BTD: variants seen among roughly 807,000 people sequenced by gnomAD.
BTD encodes biotinidase.
BTD carries 13 observed loss-of-function variants against 17.7 expected under a neutral mutation model. That is an observed-to-expected ratio of 0.74 (90% CI 0.48 to 1.17). The LOEUF is 1.17. BTD is among the 50% of genes most tolerant of loss of function. The probability of loss-of-function intolerance (pLI) is 0.00; values close to 1 mark genes in which losing one functional copy is unlikely to be tolerated. For missense variants in BTD, 674 were observed against 650.4 expected (o/e 1.04, Z -0.39); for synonymous variants, 240 against 245.2 (o/e 0.98, Z 0.20).
chr3:15,629,016 C>T (rs1448514759), intron 1 of BTD, among the ~76,000 whole-genome samples: 1 of 152,092 alleles, frequency 6.6e-6, no homozygotes, highest in Non-Finnish European at 1.5e-5. Flanking sequence ...AACTGACCTG[C>T]ATCAAATTGT....
At position 15,652,004 on chromosome 3, in the gene BTD, G is replaced by A. The variant is rs1037039854; in HGVS notation, c.*6516G>A. ...GTAACCAATAAAATATGGCAGATGC[G>A]ATGGCATGTTACTTCTGAAATTGGG... On this transcript the variant is annotated 3_prime_UTR_variant, in exon 4 of 4. Transcript: ENST00000643237. 1.8e-4 allele frequency among the ~76,000 whole-genome samples: 28 copies of A among 152,162 alleles called. No individual in the cohort carries two copies. Among genetic ancestry groups the A allele is most frequent in the African/African-American group, 6.8e-4 (28 of 41,438 alleles).
chr3:15,679,636 G>A, intron 3 of BTD: 2 of 1,174,964 alleles, frequency 1.7e-6, no homozygotes, highest in Non-Finnish European at 2.5e-6. Context: ...ACATGTAAGT[G>A]TTTAAAGGAA....
chr3:15,644,325 C>T lies in BTD; in HGVS notation c.409C>T (p.Arg137Cys), dbSNP rs397514363. 1.1e-5 allele frequency: 17 copies of T among 1,613,710 alleles called. No individual in the cohort carries two copies. The highest frequency in any genetic ancestry group is 1.7e-4 in the Middle Eastern group (1 of 6,056). Residue 137 changes from arginine to cysteine, a missense_variant, in exon 4 of 4, where the codon CGC (arginine) becomes TGC (cysteine). Physicochemically the swap from Arg to Cys is radical, Grantham distance 180. Transcript: ENST00000643237. ...CCTTTTTTTCCTCTAGGTGCTCCAG[C>T]GCCTGAGTTGTATGGCCATCAGGGG... ...HRFNDTEVLQ[R>C]LSCMAIRGDM...
At chr3:15,667,855 A>T (rs1250698896) in intron 3 of BTD, 6 of 152,224 alleles carry the variant, frequency 3.9e-5, no homozygotes, top group African/African-American at 1.2e-4. Context: ...TGTATGTGAT[A>T]AATTAAAAAC....
chr3:15,677,388 G>T, intron 3 of BTD: 1 of 887,522 alleles, frequency 1.1e-6, no homozygotes. Flanking sequence ...GAGAGGTTTG[G>T]TCCTGAGTTG....
At chr3:15,700,177 C>A (rs1322263502) in intron 3 of BTD, among the ~76,000 whole-genome samples, 2 of 152,080 alleles carry the variant, frequency 1.3e-5, no homozygotes, top group Non-Finnish European at 2.9e-5. Flanking sequence ...TACGTGGGAG[C>A]TGAACAAGGA....
chr3:15,624,240 C>T (rs1338860132), intron 1 of BTD, among the ~76,000 whole-genome samples: 1 of 151,942 alleles, frequency 6.6e-6, no homozygotes, highest in Non-Finnish European at 1.5e-5. Flanking sequence ...GATTGGTGTT[C>T]TCTGAGCTTC....
At chr3:15,622,342 A>G (rs1183330842) in intron 1 of BTD, among the ~76,000 whole-genome samples, 2 of 152,016 alleles carry the variant, frequency 1.3e-5, no homozygotes, top group Non-Finnish European at 2.9e-5. Flanking sequence ...TTTATTTCCA[A>G]GTATTTTGGG....
intron 1 of BTD, among the ~76,000 whole-genome samples, chr3:15,608,663 G>A (rs558195971): frequency 3.3e-5 from 5 of 152,058 alleles, no homozygotes; most frequent in Admixed American, 1.3e-4. Context: ...CTACCGGGGA[G>A]GCTGAGGCAG....
intron 1 of BTD, among the ~76,000 whole-genome samples, chr3:15,607,582 C>A (rs1274636488): frequency 6.6e-6 from 1 of 152,194 alleles, no homozygotes; most frequent in African/African-American, 2.4e-5. Context: ...CACTAAAAAT[C>A]CTTGTGATTA....
At chr3:15,666,529 T>C (rs1267638948) in intron 3 of BTD, among the ~76,000 whole-genome samples, 1 of 152,260 alleles carries the variant, frequency 6.6e-6, no homozygotes, top group Non-Finnish European at 1.5e-5. Context: ...AAATGCTGCA[T>C]AGGCATTTTC....
intron 3 of BTD, among the ~76,000 whole-genome samples, chr3:15,674,196 A>AAAAAAAAAAAAGAAG (rs1470515364): frequency 7.7e-6 from 1 of 130,082 alleles, no homozygotes; most frequent in African/African-American, 3.3e-5. Flanking sequence ...AAAAAAAAAA[A>AAAAAAAAAAAAGAAG]AAGAAGAAGA....
At chr3:15,718,604 AT>A (rs2073346251) in intron 4 of BTD, among the ~76,000 whole-genome samples, 2 of 152,364 alleles carry the variant, frequency 1.3e-5, no homozygotes, top group African/African-American at 4.8e-5. Context: ...ATCAAATTAT[AT>A]TAAATATTCA....
Position 15,647,610 on chromosome 3 carries a change from G to A in BTD, c.*2122G>A, listed in dbSNP as rs575684256. ...CAGATGACAGAACAAAGTAGAGGAC[G>A]GGAAAATAAATCATTTTCAGGGAAA... is the stretch of plus-strand genomic sequence containing the variant. On this transcript the variant is annotated 3_prime_UTR_variant, in exon 4 of 4. Coordinates refer to ENST00000643237, the MANE Select transcript of BTD (RefSeq NM_001370658.1). 6 of 152,252 alleles carry A rather than the reference G, an allele frequency of 3.9e-5. No homozygotes were observed. Among genetic ancestry groups the A allele is most frequent in the East Asian group, 1.9e-4 (1 of 5,164 alleles). The allele number at this position is 152,252 out of a possible 1,614,324, so 9.4% of individuals were successfully genotyped here.
rs1575313577 is a variant in BTD, at chr3:15,711,091, A to C, written c.*1017A>C. The C allele has an allele frequency of 4.9e-6, 4 of 824,296 alleles. No individual in the cohort carries two copies. The East Asian group carries it at 1.1e-4, about 23-fold the overall frequency. 51.1% of individuals were successfully genotyped at this position (824,296 alleles called of 1,614,324 possible). A position where few individuals can be genotyped will look rare whatever the true frequency, so the allele number is the denominator to read the frequency against. On this transcript the variant is annotated 3_prime_UTR_variant, in exon 4 of 4. Transcript: ENST00000672141. ...ACCCTGGACTTTTTTTTCCCAAACA[A>C]CTCCTGTTTTGTTTTCTATTTTCTG...
intron 3 of BTD, among the ~76,000 whole-genome samples, chr3:15,663,758 C>T (rs535556529): frequency 1.1e-4 from 17 of 151,916 alleles, no homozygotes; most frequent in Non-Finnish European, 5.9e-5. Context: ...TTAAAAAAAC[C>T]CAAGTCTTGA....
At chr3:15,692,263 C>T (rs1215110807) in intron 3 of BTD, among the ~76,000 whole-genome samples, 1 of 151,442 alleles carries the variant, frequency 6.6e-6, no homozygotes, top group African/African-American at 2.4e-5. Flanking sequence ...CTAGCCTGGG[C>T]AACAGTGAGA....
At chr3:15,664,556 T>C (rs1223323275) in intron 3 of BTD, among the ~76,000 whole-genome samples, 1 of 152,212 alleles carries the variant, frequency 6.6e-6, no homozygotes, top group Non-Finnish European at 1.5e-5. Context: ...ATTTTCAGAC[T>C]TCTAAACAGT....
At chr3:15,669,260 C>CA (rs2066146967) in intron 3 of BTD, 1 of 151,998 alleles carries the variant, frequency 6.6e-6, no homozygotes, top group East Asian at 1.9e-4. Flanking sequence ...TCAGAATAAA[C>CA]AAAAAATCCC....
Sources: allele counts gnomAD v4.1 joint callset (sites outside exome capture counted in the v4.1 genomes callset), GRCh38; gene constraint gnomAD v4.1.1; transcripts MANE v1.5; gene names NCBI Gene and HGNC (gene_info 2026-07-23, HGNC 2026-07-21).